TTN: variants seen among roughly 807,000 people sequenced by gnomAD.
TTN encodes the protein connectin.
Under a neutral mutation model 3,223.0 loss-of-function variants are expected in TTN, and 1,525 were observed. The observed-to-expected ratio is 0.47, with a 90% CI of 0.45 to 0.49. The LOEUF (loss-of-function observed/expected upper bound fraction) is 0.49, where lower values mean the gene tolerates loss of function less well. TTN is among the 20% of genes least tolerant of loss of function. The pLI, the probability that TTN is intolerant of heterozygous loss-of-function variation, is 0.00. For missense variants in TTN, 40,786 were observed against 43,424.0 expected (o/e 0.94, Z 5.40); for synonymous variants, 14,094 against 15,161.0 (o/e 0.93, Z 5.17).
At chr2:178,758,025 G>A (rs2087831556) in intron 44 of TTN, 109 bp from the exon 45 acceptor site, 6 of 1,207,932 alleles carry the variant, frequency 5.0e-6, no homozygotes, top group Non-Finnish European at 6.8e-6. Context: ...CTAGAATTCA[G>A]TCCACTCCTA....
In TTN at chr2:178,722,744, C is replaced by T. The variant is rs767194863; in HGVS notation, c.22155G>A (p.Val7385=). 8.7e-6 allele frequency: 14 copies of T among 1,613,172 alleles called. No individual in the cohort carries two copies. Among genetic ancestry groups the T allele is most frequent in the Admixed American group, 1.7e-5 (1 of 59,966 alleles). Residue 7385 remains valine, a synonymous_variant, in exon 76 of 363, where the codon GTG becomes GTA. Transcript: ENST00000589042. ...TGTACTCTCCACTGTCATTGATGTT[C>T]ACTTTATTAAAAACAAGTGTGGCCA... The part of the protein sequence containing the change: ...NNVATLVFNK[V]NINDSGEYTC...
chr2:178,725,583 T>C lies in TTN; in HGVS notation c.20621A>G (p.Gln6874Arg), dbSNP rs749312103. 2 of 1,612,150 alleles carry C rather than the reference T, an allele frequency of 1.2e-6. No homozygotes were observed. The highest frequency in any genetic ancestry group is 2.2e-5 in the East Asian group (1 of 44,838). ...TVVAGEPAELQASIEGAQPIF... is the reference protein window; with the variant it reads ...TVVAGEPAELRASIEGAQPIF... ...AGGCTGGGCGCCTTCTATGGATGCT[T>C]GTAATTCAGCAGGCTCTCCGGCTAC... Residue 6874 changes from glutamine to arginine, a missense_variant, in exon 71 of 363, where the codon CAA (glutamine) becomes CGA (arginine). Transcript: ENST00000589042.
intron 24 of TTN, chr2:178,778,641 A>G: frequency 1.8e-6 from 1 of 564,542 alleles, no homozygotes. Context: ...AGCTATTGTG[A>G]TATTAGCTAT....
At position 178,704,545 on chromosome 2, in the gene TTN, C is replaced by T. The variant is rs1183241604; in HGVS notation, c.29927G>A (p.Gly9976Asp). Residue 9976 changes from glycine to aspartate, a missense_variant, in exon 105 of 363, where the codon GGT (glycine) becomes GAT (aspartate). Coordinates refer to ENST00000589042, the MANE Select transcript of TTN (RefSeq NM_001267550.2). Reference sequence around the variant, plus strand: ...TAGTTTAGCGCTAGCGATGTGTGGACCACAAACCAATCGATAATTGCCCTG... The same window carrying T: ...TAGTTTAGCGCTAGCGATGTGTGGATCACAAACCAATCGATAATTGCCCTG... ...KDQGNYRLVC[G>D]PHIASAKLTV... The T allele has an allele frequency of 2.5e-6, 4 of 1,613,302 alleles. No individual in the cohort carries two copies. The highest frequency in any genetic ancestry group is 3.4e-6 in the Non-Finnish European group (4 of 1,179,480).
At chr2:178,687,628 T>G (rs1436551939) in intron 127 of TTN, among the ~76,000 whole-genome samples, 1 of 152,186 alleles carries the variant, frequency 6.6e-6, no homozygotes, top group Non-Finnish European at 1.5e-5. Context: ...GCAATTGACT[T>G]AATGGATTAT....
intron 339 of TTN, 31 bp from the exon 340 acceptor site, chr2:178,547,336 T>C: frequency 6.3e-7 from 1 of 1,576,902 alleles, no homozygotes; most frequent in Non-Finnish European, 8.6e-7. Flanking sequence ...TAAGTATGAA[T>C]ACAATTTTAT....
chr2:178,546,809 C>G lies in TTN; in HGVS notation c.94619G>C (p.Gly31540Ala). 1 of 1,612,742 alleles carries G rather than the reference C, an allele frequency of 6.2e-7. No homozygotes were observed. Among genetic ancestry groups the G allele is most frequent in the Non-Finnish European group, 8.5e-7 (1 of 1,178,938 alleles). Reference sequence around the variant, plus strand: ...GACTGGCTTACGCTCTATGATGTAGCCCACAACCTTGCTGCCTCCATCATA... The same window carrying G: ...GACTGGCTTACGCTCTATGATGTAGGCCACAACCTTGCTGCCTCCATCATA... ...PAYDGGSKVV[G>A]YIIERKPVSE... The change falls in exon 341 of 363, where the codon GGC (glycine) becomes GCC (alanine). Residue 31540 changes from glycine (G) to alanine (A), a missense_variant. Gly to Ala is a moderately conservative substitution (Grantham distance 60). Transcript: ENST00000589042.
chr2:178,766,884 G>A (rs1370753414), intron 40 of TTN, among the ~76,000 whole-genome samples: 2 of 152,140 alleles, frequency 1.3e-5, no homozygotes, highest in Non-Finnish European at 2.9e-5. Context: ...ATCCTTAAAT[G>A]TTTGCTTCTT....
Position 178,554,011 on chromosome 2 carries a change from T to C in TTN, c.89100A>G (p.Glu29700=). ...AAACTCTGTATTGATAGTCACTGTTTTCTGTGAGTCCTGTTACTTTTTGTC... is the reference window on the plus strand; with the variant it reads ...AAACTCTGTATTGATAGTCACTGTTCTCTGTGAGTCCTGTTACTTTTTGTC... ...DTRQKVTGLT[E]NSDYQYRVCA... Residue 29700 remains glutamate (E), a synonymous_variant, in exon 333 of 363, where the codon GAA becomes GAG. Transcript: ENST00000589042. 6.2e-7 allele frequency: 1 copy of C among 1,613,556 alleles called. No homozygotes were observed. The highest frequency in any genetic ancestry group is 8.5e-7 in the Non-Finnish European group (1 of 1,179,812).
At chr2:178,536,860 ATTTC>A (rs1325244199) in intron 356 of TTN, 74 bp downstream of exon 356, 12 of 1,333,198 alleles carry the variant, frequency 9.0e-6, no homozygotes, top group Non-Finnish European at 1.2e-5. Context: ...TCCTTTCAAA[ATTTC>A]TTTCTGTTTA....
intron 78 of TTN, 54 bp downstream of exon 78, chr2:178,721,793 C>T: frequency 1.4e-6 from 2 of 1,434,218 alleles, no homozygotes; most frequent in Non-Finnish European, 1.8e-6. Context: ...TTTTATAAGA[C>T]AATTATGCAA....
chr2:178,621,056 A>G, intron 246 of TTN, 46 bp downstream of exon 246: 1 of 1,602,914 alleles, frequency 6.2e-7, no homozygotes, highest in Non-Finnish European at 8.5e-7. Flanking sequence ...TACAAATACA[A>G]AACAAACAAA....
Position 178,578,472 on chromosome 2 carries a change from T to C in TTN, c.68329+139A>G, listed in dbSNP as rs1002562038. Reference sequence around the variant, plus strand: ...GGATATTTTCAATAAAATTAAACATTAACCATATGTACTGAAATAAAAACA... The same window carrying C: ...GGATATTTTCAATAAAATTAAACATCAACCATATGTACTGAAATAAAAACA... On this transcript the variant is annotated intron_variant, in intron 321 of 362. Coordinates refer to ENST00000589042, the MANE Select transcript of TTN (RefSeq NM_001267550.2). 9 of 638,154 alleles carry C rather than the reference T, an allele frequency of 1.4e-5. No individual in the cohort carries two copies. In the African/African-American group the frequency reaches 1.7e-4, roughly 12 times the overall value. The allele number at this position is 638,154 out of a possible 1,614,324, so 39.5% of individuals were successfully genotyped here. A position where few individuals can be genotyped will look rare whatever the true frequency, so the allele number is the denominator to read the frequency against.
rs1238984956 is a variant in TTN at position 178,598,989 on chromosome 2, C to G, written c.56721G>C (p.Glu18907Asp). 6.2e-7 allele frequency: 1 copy of G among 1,611,232 alleles called. No homozygotes were observed. The highest frequency in any genetic ancestry group is 1.3e-5 in the African/African-American group (1 of 74,796). The change falls in exon 291 of 363, where the codon GAG becomes GAC. Residue 18907 changes from glutamate (E) to aspartate (D), a missense_variant. Transcript: ENST00000589042. ...CAGGAGAGCCTCCATCATATTCTGG[C>G]TCTTCCCAGTTGACAGTCATGGAGT... ...TRNSMTVNWE[E>D]PEYDGGSPVT...
In TTN at chr2:178,587,242, T is replaced by C; in HGVS notation, c.63969A>G (p.Thr21323=). 6.2e-7 allele frequency: 1 copy of C among 1,613,238 alleles called. No homozygotes were observed. Among genetic ancestry groups the C allele is most frequent in the Non-Finnish European group, 8.5e-7 (1 of 1,179,480 alleles). ...GGACAAGATTGGTTACATGGAAGCT[T>C]GTTTTCTTAACTTCTGGGGTAACGG... ...WSTVTPEVKK[T]SFHVTNLVPG... is the part of the protein sequence containing the mutation. Residue 21323 remains threonine, a synonymous_variant, in exon 307 of 363, where the codon ACA becomes ACG. Transcript: ENST00000589042.
Position 178,544,454 on chromosome 2 carries a change from G to A in TTN, c.95775C>T (p.Ser31925=). 6.2e-7 allele frequency: 1 copy of A among 1,613,424 alleles called. No homozygotes were observed. The highest frequency in any genetic ancestry group is 8.5e-7 in the Non-Finnish European group (1 of 1,179,466). ...APRVVDTTKH[S]ISLAWTKPMY... ...TGGGTTTGGTCCATGCCAAACTAAT[G>A]CTGTGTTTGGTGGTATCCACAACTC... Residue 31925 remains serine (S), a synonymous_variant, in exon 345 of 363, where the codon AGC becomes AGT. Transcript: ENST00000589042.
chr2:178,793,367 GAA>G, intron 9 of TTN, 35 bp downstream of exon 9: 2 of 1,611,528 alleles, frequency 1.2e-6, no homozygotes, highest in Non-Finnish European at 1.7e-6. Context: ...ACCCCTGTAA[GAA>G]CCTCAGTGAA....
chr2:178,744,367 C>T (rs1259779838), intron 47 of TTN: 2 of 983,870 alleles, frequency 2.0e-6, no homozygotes, highest in Non-Finnish European at 2.4e-6. Flanking sequence ...TGAATGATCA[C>T]CTCTAAGGTC....
Position 178,540,221 on chromosome 2 carries a change from T to C in TTN, c.97945A>G (p.Lys32649Glu). The C allele has an allele frequency of 6.2e-7, 1 of 1,613,790 alleles. No homozygotes were observed. The highest frequency in any genetic ancestry group is 8.5e-7 in the Non-Finnish European group (1 of 1,179,768). Residue 32649 changes from lysine to glutamate, a missense_variant, in exon 351 of 363, where the codon AAG (lysine) becomes GAG (glutamate). Lys to Glu is a moderately conservative substitution (Grantham distance 56). Transcript: ENST00000589042. Reference sequence around the variant, plus strand: ...ATCTTGGTTGGAGTGGTGTTACACTTGGTCCATTCATGTTGATCTACTTTT... The same window carrying C: ...ATCTTGGTTGGAGTGGTGTTACACTCGGTCCATTCATGTTGATCTACTTTT... ...MQKVDQHEWT[K>E]CNTTPTKIRE...
Sources: gnomAD v4.1 joint callset for allele counts (sites outside exome capture counted in the v4.1 genomes callset) on GRCh38, gnomAD v4.1.1 for gene constraint, MANE v1.5 for transcripts, NCBI Gene and HGNC (gene_info 2026-07-23, HGNC 2026-07-21) for gene names.